The following ZKSCAN1 variants were observed in gnomAD, a reference collection of about 807,000 sequenced individuals.
The protein encoded by ZKSCAN1 is zinc finger with KRAB and SCAN domains 1.
Under a neutral mutation model 51.6 loss-of-function variants are expected in ZKSCAN1, and 14 were observed. That is an observed-to-expected ratio of 0.27 (90% CI 0.18 to 0.42). ZKSCAN1 has a LOEUF of 0.42. ZKSCAN1 is among the 10% of genes least tolerant of loss of function. The probability of loss-of-function intolerance (pLI) is 1.00; values close to 1 mark genes in which losing one functional copy is unlikely to be tolerated. For missense variants in ZKSCAN1, 531 were observed against 710.0 expected (o/e 0.75, Z 2.86); for synonymous variants, 263 against 261.5 (o/e 1.01, Z -0.06).
intron 3 of ZKSCAN1, chr7:100,024,727 T>C: frequency 6.4e-6 from 1 of 157,208 alleles, no homozygotes; most frequent in Non-Finnish European, 1.4e-5. Context: ...TGGTGAAACC[T>C]TGTCTCTACT....
Position 100,036,029 on chromosome 7 carries a change from A to G in ZKSCAN1, c.*1832A>G. 1.0e-6 allele frequency: 1 copy of G among 985,472 alleles called. No homozygotes were observed. The highest frequency in any genetic ancestry group is 4.7e-5 in the South Asian group (1 of 21,286). The allele number at this position is 985,472 out of a possible 1,614,324, so 61.0% of individuals were successfully genotyped here. On this transcript the variant is annotated 3_prime_UTR_variant, in exon 6 of 6. Coordinates refer to ENST00000324306, the MANE Select transcript of ZKSCAN1 (RefSeq NM_003439.4). ...TTTGAGACTTTCCCTTGAGAAACTT[A>G]TACTAAAACTATTACTCATCAGTCA...
chr7:100,044,816 C>G (rs1791682322), downstream of ZKSCAN1: 2 of 985,068 alleles, frequency 2.0e-6, no homozygotes, highest in African/African-American at 3.5e-5. Flanking sequence ...ACATGCTGCA[C>G]ATGTCTTCTG....
chr7:100,043,124 C>T (rs1584360794), downstream of ZKSCAN1, among the ~76,000 whole-genome samples: 1 of 150,038 alleles, frequency 6.7e-6, no homozygotes, highest in Admixed American at 6.7e-5. Context: ...TTTGTAGTGA[C>T]AGTCTGGCTA....
chr7:100,031,396 G>C (rs1791099752), intron 5 of ZKSCAN1, among the ~76,000 whole-genome samples: 1 of 147,940 alleles, frequency 6.8e-6, no homozygotes, highest in Non-Finnish European at 1.5e-5. Context: ...TCCCACCTCA[G>C]CCTCCCAAGT....
chr7:100,021,701 T>C (rs1361251070), intron 1 of ZKSCAN1, among the ~76,000 whole-genome samples: 1 of 151,908 alleles, frequency 6.6e-6, no homozygotes, highest in African/African-American at 2.4e-5. Context: ...GTTTATATTA[T>C]TAGTGTGTCC....
chr7:100,042,273 C>T (rs528056664), downstream of ZKSCAN1, among the ~76,000 whole-genome samples: 5 of 148,596 alleles, frequency 3.4e-5, no homozygotes, highest in Non-Finnish European at 5.9e-5. Flanking sequence ...GAGCCGAGAT[C>T]GCACCACTGC....
At chr7:100,029,993 T>G in intron 4 of ZKSCAN1, 41 bp downstream of exon 4, 1 of 1,602,894 alleles carries the variant, frequency 6.2e-7, no homozygotes, top group Non-Finnish European at 8.5e-7. Flanking sequence ...CCTCAGTGTC[T>G]GCCTCTGTTC....
intron 1 of ZKSCAN1, chr7:100,019,447 C>G (rs762181167): frequency 6.6e-6 from 1 of 152,146 alleles, no homozygotes; most frequent in African/African-American, 2.4e-5. Flanking sequence ...CTCAGGTGAT[C>G]GACCCTCCTT....
rs754426354 is a variant in ZKSCAN1, at chr7:100,038,357, G to C, written c.*4160G>C. 8.5e-5 allele frequency: 84 copies of C among 985,370 alleles called. No individual in the cohort carries two copies. Among genetic ancestry groups the C allele is most frequent in the Non-Finnish European group, 1.0e-4 (83 of 829,940 alleles). 61.0% of individuals were successfully genotyped at this position (985,370 alleles called of 1,614,324 possible). A position where few individuals can be genotyped will look rare whatever the true frequency, so the allele number is the denominator to read the frequency against. Reference sequence around the variant, plus strand: ...AGACAAAAAGTCGGTTCACAGAACGGAGCAGCGGGGAGAGGAAGGGAAAAG... The same window carrying C: ...AGACAAAAAGTCGGTTCACAGAACGCAGCAGCGGGGAGAGGAAGGGAAAAG... On this transcript the variant is annotated 3_prime_UTR_variant, in exon 6 of 6. Transcript: ENST00000324306.
At chr7:100,044,535 G>T (rs1791675873), downstream of ZKSCAN1, among the ~76,000 whole-genome samples, 1 of 151,982 alleles carries the variant, frequency 6.6e-6, no homozygotes, top group Admixed American at 6.6e-5. Flanking sequence ...AATAAAATTA[G>T]CCAGGCGTGG....
In ZKSCAN1 at chr7:100,030,311, T is replaced by C; in HGVS notation, c.735T>C (p.Asn245=). 1 of 1,614,176 alleles carries C rather than the reference T, an allele frequency of 6.2e-7. No homozygotes were observed. The highest frequency in any genetic ancestry group is 8.5e-7 in the Non-Finnish European group (1 of 1,180,028). The stretch of plus-strand genomic sequence containing the variant: ...TTCTGGAGGAATGGGGATGTCAGAA[T>C]CTGGCTCGGAGGAATCTCAGTAGGG... ...SLILEEWGCQ[N]LARRNLSRDN... The change falls in exon 5 of 6, where the codon AAT becomes AAC. Residue 245 remains asparagine (N), a synonymous_variant. Transcript: ENST00000324306.
At chr7:100,028,124 G>A (rs528249624) in intron 3 of ZKSCAN1, among the ~76,000 whole-genome samples, 5 of 152,254 alleles carry the variant, frequency 3.3e-5, no homozygotes, top group Non-Finnish European at 5.9e-5. Flanking sequence ...GGAGGCTGAG[G>A]TGGCCAGATC....
At chr7:100,032,815 T>C (rs1414106050) in intron 5 of ZKSCAN1, among the ~76,000 whole-genome samples, 1 of 152,028 alleles carries the variant, frequency 6.6e-6, no homozygotes, top group Non-Finnish European at 1.5e-5. Context: ...GAGACTATCC[T>C]GGCTAACATG....
chr7:100,023,758 G>T lies in ZKSCAN1; in HGVS notation c.252G>T (p.Trp84Cys). The T allele has an allele frequency of 6.2e-7, 1 of 1,614,220 alleles. No individual in the cohort carries two copies. The highest frequency in any genetic ancestry group is 8.5e-7 in the Non-Finnish European group (1 of 1,180,040). ...LSRLKELCHQ[W>C]LRPEINTKEQ... Reference sequence around the variant, plus strand: ...GGCTGAAGGAACTTTGTCATCAGTGGCTGCGGCCAGAAATAAACACCAAGG... The same window carrying T: ...GGCTGAAGGAACTTTGTCATCAGTGTCTGCGGCCAGAAATAAACACCAAGG... Residue 84 changes from tryptophan (W) to cysteine (C), a missense_variant, in exon 2 of 6, where the codon TGG becomes TGT. By Grantham distance (215) the Trp-to-Cys change is radical. Around this residue, in one of 2 missense-constraint regions of ZKSCAN1, gnomAD observed 403 missense variants for 490.5 expected, o/e 0.82. Transcript: ENST00000324306.
Position 100,034,080 on chromosome 7 carries a change from C to G in ZKSCAN1, c.1575C>G (p.Ala525=). The change falls in exon 6 of 6, where the codon GCC becomes GCG. Residue 525 remains alanine, a synonymous_variant. Coordinates refer to ENST00000324306, the MANE Select transcript of ZKSCAN1 (RefSeq NM_003439.4). The stretch of plus-strand genomic sequence containing the variant: ...ACAAGTGCACTAAGTGTGGCAAGGC[C>G]TTCACCCGCAGCTCCACCCTCACTC... ...KPYKCTKCGK[A]FTRSSTLTLH... 1.2e-6 allele frequency: 2 copies of G among 1,613,058 alleles called. No homozygotes were observed. The highest frequency in any genetic ancestry group is 8.5e-7 in the Non-Finnish European group (1 of 1,179,684).
Position 100,038,565 on chromosome 7 carries a change from T to C in ZKSCAN1, c.*4368T>C. ...TGTGTGCAAAGGGGATGGATTCTCTTGTCAGTAGACGGTCTTCTCCATGAA... is the reference window on the plus strand; with the variant it reads ...TGTGTGCAAAGGGGATGGATTCTCTCGTCAGTAGACGGTCTTCTCCATGAA... On this transcript the variant is annotated 3_prime_UTR_variant, in exon 6 of 6. Coordinates refer to ENST00000324306, the MANE Select transcript of ZKSCAN1 (RefSeq NM_003439.4). The C allele has an allele frequency of 1.6e-5, 16 of 985,476 alleles. No individual in the cohort carries two copies. The highest frequency in any genetic ancestry group is 1.9e-5 in the Non-Finnish European group (16 of 829,946). 61.0% of individuals were successfully genotyped at this position (985,476 alleles called of 1,614,324 possible). A position where few individuals can be genotyped will look rare whatever the true frequency, so the allele number is the denominator to read the frequency against.
Position 100,038,076 on chromosome 7 carries a change from G to GA in ZKSCAN1, c.*3887dup. On this transcript the variant is annotated 3_prime_UTR_variant, in exon 6 of 6. Coordinates refer to ENST00000324306, the MANE Select transcript of ZKSCAN1 (RefSeq NM_003439.4). ...TCTTAACTGCAGAGGATCTACAGAT[G>GA]AAAAAAAATGTGGGGAAATGCTTTA... 2.0e-6 allele frequency: 2 copies of GA among 984,842 alleles called. No individual in the cohort carries two copies. Among genetic ancestry groups the GA allele is most frequent in the Non-Finnish European group, 2.4e-6 (2 of 829,756 alleles). The allele number at this position is 984,842 out of a possible 1,614,324, so 61.0% of individuals were successfully genotyped here. A position where few individuals can be genotyped will look rare whatever the true frequency, so the allele number is the denominator to read the frequency against.
In ZKSCAN1 at chr7:100,040,808, TTTTAA is replaced by T; in HGVS notation, c.*6612_*6616del. The T allele has an allele frequency of 1.0e-6, 1 of 985,388 alleles. No individual in the cohort carries two copies. The highest frequency in any genetic ancestry group is 1.2e-6 in the Non-Finnish European group (1 of 829,922). The allele number at this position is 985,388 out of a possible 1,614,324, so 61.0% of individuals were successfully genotyped here. A position where few individuals can be genotyped will look rare whatever the true frequency, so the allele number is the denominator to read the frequency against. On this transcript the variant is annotated 3_prime_UTR_variant, in exon 6 of 6. Transcript: ENST00000324306. ...AACCAGAGAAGAGCATCCGGTTGCT[TTTTAA>T]AGCTTTTAGCCTGCCCTAGCAAGGA...
intron 5 of ZKSCAN1, among the ~76,000 whole-genome samples, chr7:100,031,743 TTTCCTGTGTCTGAAGA>T (rs1791115409): frequency 1.3e-5 from 2 of 152,220 alleles, no homozygotes; most frequent in African/African-American, 4.8e-5. Flanking sequence ...ATAGAAACTA[TTTCCTGTGTCTGAAGA>T]TTCCTGTAGC....
Sources: allele counts gnomAD v4.1 joint callset (sites outside exome capture counted in the v4.1 genomes callset), GRCh38; gene constraint gnomAD v4.1.1; regional missense constraint gnomAD v4.1.1; transcripts MANE v1.5; gene names NCBI Gene and HGNC (gene_info 2026-07-23, HGNC 2026-07-21).